ARX: variants seen among roughly 807,000 people sequenced by gnomAD.
ARX encodes homeobox protein ARX.
A neutral mutation model predicts 23.1 loss-of-function variants in ARX; 1 was observed. The ratio of observed to expected loss-of-function variants is 0.04; its 90% CI spans 0.02 to 0.21. The LOEUF (loss-of-function observed/expected upper bound fraction) is 0.21, where lower values mean the gene tolerates loss of function less well. ARX is among the 10% of genes least tolerant of loss of function. ARX has a pLI of 1.00. For synonymous variants in ARX, 301 were observed against 270.1 expected, an observed-to-expected ratio of 1.11 and a Z score of -1.12; for missense variants, 380 against 527.5, an observed-to-expected ratio of 0.72 and a Z score of 2.74.
At chrX:25,006,352 T>C (rs1340577697) in intron 4 of ARX, among the ~76,000 whole-genome samples, 1 of 112,650 alleles carries the variant, frequency 8.9e-6, no homozygotes, top group Non-Finnish European at 1.9e-5. Flanking sequence ...CGCAGTTGGA[T>C]GAATCTATTA....
intron 1 of ARX, 64 bp downstream of exon 1, chrX:25,015,478 G>C (rs1212429082): frequency 3.4e-6 from 4 of 1,165,648 alleles, no homozygotes; most frequent in Non-Finnish European, 4.6e-6. Flanking sequence ...ACTGGCCCCC[G>C]AACACCAAAC....
At chrX:25,012,520 G>A (rs1334634675) in intron 2 of ARX, among the ~76,000 whole-genome samples, 1 of 112,851 alleles carries the variant, frequency 8.9e-6, no homozygotes. Flanking sequence ...AGCGCTTCCT[G>A]AGCCTCGCCG....
Position 25,004,849 on chromosome X carries a change from G to A in ARX, c.1510C>T (p.Pro504Ser). 8.6e-7 allele frequency: 1 copy of A among 1,160,219 alleles called. No homozygotes were observed. The highest frequency in any genetic ancestry group is 1.1e-6 in the Non-Finnish European group (1 of 871,231). ...ASTAAALLRQPTPAVEGAVAS... is the reference protein window; with the variant it reads ...ASTAAALLRQSTPAVEGAVAS... ...ACTGCGCCCTCCACGGCGGGTGTGG[G>A]CTGTCTCAGGAGCGCGGCCGCGGTC... The change falls in exon 5 of 5, where the codon CCC (proline) becomes TCC (serine). Residue 504 changes from proline to serine, a missense_variant. Physicochemically the swap from Pro to Ser is moderately conservative, Grantham distance 74. Around this residue, in one of 3 missense-constraint regions of ARX, gnomAD observed 121 missense variants for 169.7 expected, o/e 0.71. Coordinates refer to ENST00000379044, the MANE Select transcript of ARX (RefSeq NM_139058.3).
chrX:25,011,096 T>G (rs946487030), intron 2 of ARX, among the ~76,000 whole-genome samples: 1 of 112,248 alleles, frequency 8.9e-6, no homozygotes, highest in Non-Finnish European at 1.9e-5. Context: ...GCTTACAACC[T>G]GTTTACCGAA....
Position 25,013,598 on chromosome X carries a change from C to T in ARX, c.397G>A (p.Ala133Thr). 1.3e-6 allele frequency: 1 copy of T among 752,613 alleles called. No individual in the cohort carries two copies. The highest frequency in any genetic ancestry group is 6.5e-5 in the South Asian group (1 of 15,382). 62.0% of individuals were successfully genotyped at this position (752,613 alleles called of 1,213,427 possible). ...CCGTCCGGCCGTTCCCCGGGCCGCG[C>T]GGTTGGCGGTGGCGGCGGAGGGGCC... ...GEAPPPPPPT[A>T]RPGERPDGAG... The change falls in exon 2 of 5, where the codon GCG becomes ACG. Residue 133 changes from alanine to threonine, a missense_variant. Coordinates refer to ENST00000379044, the MANE Select transcript of ARX (RefSeq NM_139058.3).
intron 2 of ARX, among the ~76,000 whole-genome samples, chrX:25,010,532 T>C (rs191204042): frequency 9.1e-6 from 1 of 110,443 alleles, no homozygotes; most frequent in East Asian, 2.9e-4. Flanking sequence ...ATATTATCTA[T>C]TATATCATAC....
chrX:25,004,419 T>G lies in ARX; in HGVS notation c.*251A>C. The G allele has an allele frequency of 1.7e-5, 7 of 402,684 alleles. No homozygotes were observed. The highest frequency in any genetic ancestry group is 4.6e-5 in the East Asian group (1 of 21,784). 33.2% of individuals were successfully genotyped at this position (402,684 alleles called of 1,213,427 possible). On this transcript the variant is annotated 3_prime_UTR_variant, in exon 5 of 5. Transcript: ENST00000379044. ...GAAAGTAAGAACAAGAGAGAGTGGA[T>G]GTTGGAGTTGGAGCGAGGTTGGCAG...
rs1422752404 is a variant in ARX at position 25,010,174 on chromosome X, G to A, written c.1119+86C>T. On this transcript the variant is annotated intron_variant, in intron 3 of 4. Coordinates refer to ENST00000379044, the MANE Select transcript of ARX (RefSeq NM_139058.3). ...TTTTGTGAAGGGGATCTCACCCCCC[G>A]CACCCCCCCGCCACCAACCCATCTC... is the stretch of plus-strand genomic sequence containing the variant. 11 of 239,597 alleles carry A rather than the reference G, an allele frequency of 4.6e-5. No homozygotes were observed. The East Asian group carries it at 4.9e-4, about 11-fold the overall frequency. 19.7% of individuals were successfully genotyped at this position (239,597 alleles called of 1,213,427 possible). A position where few individuals can be genotyped will look rare whatever the true frequency, so the allele number is the denominator to read the frequency against.
chrX:25,012,136 C>T (rs1384839840), intron 2 of ARX, among the ~76,000 whole-genome samples: 1 of 112,691 alleles, frequency 8.9e-6, no homozygotes, highest in Non-Finnish European at 1.9e-5. Flanking sequence ...AGAAAATTCC[C>T]CCAACTGCTT....
rs1203536121 is a variant in ARX at position 25,012,990 on chromosome X, G to A, written c.1005C>T (p.Phe335=). 2 of 1,203,008 alleles carry A rather than the reference G, an allele frequency of 1.7e-6. No individual in the cohort carries two copies. The highest frequency in any genetic ancestry group is 3.0e-5 in the East Asian group (1 of 33,552). Residue 335 remains phenylalanine (F), a synonymous_variant, in exon 2 of 5, where the codon TTC becomes TTT. Coordinates refer to ENST00000379044, the MANE Select transcript of ARX (RefSeq NM_139058.3). Reference sequence around the variant, plus strand: ...CCAGTTCCTCCAGCTGGTAGCTGGTGAACGTGGTGCGGTAGCGCCTCTGTT... The same window carrying A: ...CCAGTTCCTCCAGCTGGTAGCTGGTAAACGTGGTGCGGTAGCGCCTCTGTT... The part of the protein sequence containing the change: ...KRKQRRYRTT[F]TSYQLEELER...
In ARX at chrX:25,015,823, G is replaced by T; in HGVS notation, c.-86C>A. 1 of 962,162 alleles carries T rather than the reference G, an allele frequency of 1.0e-6. No homozygotes were observed. The highest frequency in any genetic ancestry group is 1.5e-6 in the Non-Finnish European group (1 of 685,923). 79.3% of individuals were successfully genotyped at this position (962,162 alleles called of 1,213,427 possible). ...GGATGGATGGGTGTGTGTTGGGGGT[G>T]GGGTTAGATAGCGGGTTATAACGGA... On this transcript the variant is annotated 5_prime_UTR_variant, in exon 1 of 5. Transcript: ENST00000379044.
Position 25,015,597 on chromosome X carries a change from C to A in ARX, c.141G>T (p.Ala47=), listed in dbSNP as rs767794651. ...SPCKMRLLGA[A]QSLPAPLTSR... The stretch of plus-strand genomic sequence containing the variant: ...TGGTCAGCGGAGCAGGCAAGCTCTG[C>A]GCGGCTCCCAGCAACCGCATTTTGC... The change falls in exon 1 of 5, where the codon GCG becomes GCT. Residue 47 remains alanine (A), a synonymous_variant. Coordinates refer to ENST00000379044, the MANE Select transcript of ARX (RefSeq NM_139058.3). The A allele has an allele frequency of 8.3e-7, 1 of 1,210,459 alleles. No homozygotes were observed. Among genetic ancestry groups the A allele is most frequent in the Non-Finnish European group, 1.1e-6 (1 of 894,829 alleles).
At position 25,004,665 on chromosome X, in the gene ARX, A is replaced by C. The variant is rs1440215809; in HGVS notation, c.*5T>G. The C allele has an allele frequency of 6.9e-6, 8 of 1,163,942 alleles. No homozygotes were observed. Among genetic ancestry groups the C allele is most frequent in the Admixed American group, 5.2e-5 (2 of 38,767 alleles). On this transcript the variant is annotated 3_prime_UTR_variant, in exon 5 of 5. Transcript: ENST00000379044. ...CGCGCGGGGCGCGGGTGTGGAGGGC[A>C]GCCTTTAGCACACCTCCTTGCCCGT...
In ARX at chrX:25,012,924, G is replaced by C. The variant is rs746690813; in HGVS notation, c.1071C>G (p.Thr357=). ...CCGCGACCACCCTACGCGCATACCT[G>C]GTGAAGACGTCCGGGTAGTGCGTCT... ...FQKTHYPDVF[T]REELAMRLDL... The change falls in exon 2 of 5, where the codon ACC becomes ACG. Residue 357 remains threonine, a splice_region_variant and synonymous_variant. Coordinates refer to ENST00000379044, the MANE Select transcript of ARX (RefSeq NM_139058.3). 1 of 1,204,733 alleles carries C rather than the reference G, an allele frequency of 8.3e-7. No individual in the cohort carries two copies. Among genetic ancestry groups the C allele is most frequent in the South Asian group, 1.8e-5 (1 of 55,761 alleles).
At chrX:25,010,696 A>G (rs944456263) in intron 2 of ARX, among the ~76,000 whole-genome samples, 2 of 111,450 alleles carry the variant, frequency 1.8e-5, no homozygotes, top group African/African-American at 6.5e-5. Context: ...ATTAAGTGGG[A>G]TAGGAACTCA....
Position 25,004,257 on chromosome X carries a change from A to G in ARX, c.*413T>C, listed in dbSNP as rs1055171463. On this transcript the variant is annotated 3_prime_UTR_variant, in exon 5 of 5. Transcript: ENST00000379044. ...GATCAACTTCGAGCGCCAAAATGCT[A>G]TTTAAAAAAAAAAAAGAAAGAAAGA... 2 of 144,875 alleles carry G rather than the reference A, an allele frequency of 1.4e-5. No individual in the cohort carries two copies. The highest frequency in any genetic ancestry group is 6.6e-5 in the African/African-American group (2 of 30,302). 11.9% of individuals were successfully genotyped at this position (144,875 alleles called of 1,213,427 possible). A position where few individuals can be genotyped will look rare whatever the true frequency, so the allele number is the denominator to read the frequency against.
chrX:25,007,840 A>G (rs2048685478), intron 3 of ARX, among the ~76,000 whole-genome samples: 1 of 111,470 alleles, frequency 9.0e-6, no homozygotes, highest in Non-Finnish European at 1.9e-5. Flanking sequence ...AAATGGGGAT[A>G]ATAAAACTTC....
chrX:25,011,697 G>C (rs918672960), intron 2 of ARX, among the ~76,000 whole-genome samples: 2 of 113,214 alleles, frequency 1.8e-5, no homozygotes, highest in Non-Finnish European at 3.7e-5. Flanking sequence ...TCTGTTTCTG[G>C]TTGGGAGAGA....
intron 1 of ARX, among the ~76,000 whole-genome samples, chrX:25,015,296 C>A (rs1036762106): frequency 2.7e-5 from 3 of 111,219 alleles, no homozygotes; most frequent in Non-Finnish European, 5.7e-5. Context: ...AACAACCTAA[C>A]GATCAACACC....
Sources: allele counts gnomAD v4.1 joint callset (sites outside exome capture counted in the v4.1 genomes callset), GRCh38; gene constraint gnomAD v4.1.1; regional missense constraint gnomAD v4.1.1; transcripts MANE v1.5; gene names NCBI Gene and HGNC (gene_info 2026-07-23, HGNC 2026-07-21).